CAMKMT: variants seen among roughly 807,000 people sequenced by gnomAD.
CAMKMT encodes the protein calmodulin-lysine N-methyltransferase, also known as CaM KMT.
Under a neutral mutation model 48.0 loss-of-function variants are expected in CAMKMT, and 53 were observed. The ratio of observed to expected loss-of-function variants is 1.10; its 90% CI spans 0.89 to 1.39. CAMKMT has a LOEUF of 1.39. Ranked by LOEUF, CAMKMT falls within the 40% of genes most tolerant of loss-of-function variation. The pLI, the probability that CAMKMT is intolerant of heterozygous loss-of-function variation, is 0.00. For missense variants in CAMKMT, 428 were observed against 402.7 expected (o/e 1.06, Z -0.54); for synonymous variants, 165 against 152.3 (o/e 1.08, Z -0.61).
chr2:44,362,286 C>T, intron 1 of CAMKMT, 141 bp downstream of exon 1: 1 of 696,758 alleles, frequency 1.4e-6, no homozygotes, highest in Non-Finnish European at 2.2e-6. Flanking sequence ...TGCGAAGCTC[C>T]CCCTCGCTTC....
intron 3 of CAMKMT, among the ~76,000 whole-genome samples, chr2:44,554,611 C>G (rs1256606836): frequency 6.6e-6 from 1 of 152,106 alleles, no homozygotes; most frequent in Admixed American, 6.6e-5. Context: ...TAGTACATGC[C>G]TATAGTCCCA....
chr2:44,362,505 C>T (rs1244588800), intron 1 of CAMKMT, among the ~76,000 whole-genome samples: 1 of 152,172 alleles, frequency 6.6e-6, no homozygotes, highest in Non-Finnish European at 1.5e-5. Context: ...TTGCCTCCTT[C>T]CCCAGTTTCT....
In CAMKMT at chr2:44,768,361, A is replaced by ATATT. The variant is rs35058824; in HGVS notation, c.894+1801_894+1802insATTT. ...GCCCATGATATATATATATATATAT[A>ATATT]TTTTTTTTTTTTTTTTAATAATGAG... On this transcript the variant is annotated intron_variant, in intron 10 of 10. Coordinates refer to ENST00000378494, the MANE Select transcript of CAMKMT (RefSeq NM_024766.5). Among the ~76,000 whole-genome samples the ATATT allele has an allele frequency of 3.9e-3, 450 of 115,710 alleles. 5 individuals carry two copies. Among genetic ancestry groups the ATATT allele is most frequent in the African/African-American group, 0.011 (298 of 26,974 alleles). The allele number at this position is 115,710 out of a possible 152,430, so 75.9% of individuals were successfully genotyped here. A position where few individuals can be genotyped will look rare whatever the true frequency, so the allele number is the denominator to read the frequency against.
chr2:44,764,719 T>G (rs1680765948), intron 9 of CAMKMT, among the ~76,000 whole-genome samples: 1 of 152,196 alleles, frequency 6.6e-6, no homozygotes, highest in Non-Finnish European at 1.5e-5. Context: ...ATCTGTAAAA[T>G]GCAATGTCTA....
intron 3 of CAMKMT, chr2:44,394,754 T>C (rs1012841451): frequency 2.3e-6 from 1 of 430,546 alleles, no homozygotes; most frequent in African/African-American, 2.0e-5. Flanking sequence ...TGCACACAGC[T>C]ATAGACTTTG....
At chr2:44,503,774 C>G (rs564778430) in intron 3 of CAMKMT, among the ~76,000 whole-genome samples, 1 of 152,148 alleles carries the variant, frequency 6.6e-6, no homozygotes, top group Non-Finnish European at 1.5e-5. Context: ...GACTGGTTGG[C>G]TTAAACAACA....
At chr2:44,476,217 C>T (rs2104665722) in intron 3 of CAMKMT, among the ~76,000 whole-genome samples, 1 of 151,698 alleles carries the variant, frequency 6.6e-6, no homozygotes, top group Non-Finnish European at 1.5e-5. Flanking sequence ...CTGTTTATTC[C>T]AAGTGCTTTC....
chr2:44,379,453 G>A (rs549500377), intron 2 of CAMKMT, among the ~76,000 whole-genome samples: 10 of 152,196 alleles, frequency 6.6e-5, no homozygotes, highest in African/African-American at 1.9e-4. Context: ...GGGTCATGTG[G>A]TATCTCTATG....
chr2:44,500,461 CAT>C (rs1452212233), intron 3 of CAMKMT, among the ~76,000 whole-genome samples: 1 of 151,730 alleles, frequency 6.6e-6, no homozygotes, highest in Non-Finnish European at 1.5e-5. Context: ...TTGTTGTAGT[CAT>C]CTAGTTTATA....
intron 3 of CAMKMT, among the ~76,000 whole-genome samples, chr2:44,562,522 T>C (rs1668376956): frequency 6.6e-6 from 1 of 152,198 alleles, no homozygotes; most frequent in African/African-American, 2.4e-5. Flanking sequence ...TTGGGTAACT[T>C]GCCTAAGGTC....
intron 2 of CAMKMT, among the ~76,000 whole-genome samples, chr2:44,376,924 C>T (rs978387840): frequency 6.6e-6 from 1 of 152,038 alleles, no homozygotes; most frequent in Non-Finnish European, 1.5e-5. Flanking sequence ...TTTCAAATTA[C>T]GTGTTGAGAG....
At chr2:44,647,630 G>C (rs1673806770) in intron 3 of CAMKMT, among the ~76,000 whole-genome samples, 1 of 152,220 alleles carries the variant, frequency 6.6e-6, no homozygotes, top group South Asian at 2.1e-4. Context: ...TATGGGCCGG[G>C]CACAGTGGCT....
rs767300688 is a variant in CAMKMT at position 44,542,550 on chromosome 2, CTCTCTCTT to C, written c.376+152253_376+152260del. Among the ~76,000 whole-genome samples the C allele has an allele frequency of 1.5e-3, 220 of 149,456 alleles. 1 individual carries two copies. Among genetic ancestry groups the C allele is most frequent in the South Asian group, 9.1e-3 (40 of 4,416 alleles). ...ACACACACACACACTCTCTCTCTCT[CTCTCTCTT>C]TCTCTCTCCATATATGTATATATTT... On this transcript the variant is annotated intron_variant, in intron 3 of 10. Coordinates refer to ENST00000378494, the MANE Select transcript of CAMKMT (RefSeq NM_024766.5).
intron 3 of CAMKMT, among the ~76,000 whole-genome samples, chr2:44,619,999 T>C (rs1672089096): frequency 6.6e-6 from 1 of 152,174 alleles, no homozygotes; most frequent in African/African-American, 2.4e-5. Context: ...TCCCATTCAG[T>C]ACTTCTTTTA....
intron 3 of CAMKMT, among the ~76,000 whole-genome samples, chr2:44,507,684 G>C (rs698832): frequency 0.67 from 101,194 of 152,004 alleles, 34,175 homozygotes; most frequent in Middle Eastern, 0.73. Flanking sequence ...GTTTAACATC[G>C]CTTTGTGATA....
chr2:44,754,868 A>T (rs536678527), intron 9 of CAMKMT, among the ~76,000 whole-genome samples: 6 of 152,106 alleles, frequency 3.9e-5, no homozygotes, highest in Middle Eastern at 6.8e-3. Flanking sequence ...AAAAAACCTT[A>T]TAACTATGTA....
At chr2:44,742,474 TATG>T (rs1679731422) in intron 7 of CAMKMT, among the ~76,000 whole-genome samples, 1 of 152,136 alleles carries the variant, frequency 6.6e-6, no homozygotes. Context: ...TCTGTGTCCA[TATG>T]GCCCATCAAG....
chr2:44,545,818 AT>A, intron 3 of CAMKMT, among the ~76,000 whole-genome samples: 1 of 152,174 alleles, frequency 6.6e-6, no homozygotes, highest in East Asian at 1.9e-4. Context: ...TGATTAAAAA[AT>A]TAATTCTAAT....
At chr2:44,523,373 A>G (rs1217605321) in intron 3 of CAMKMT, among the ~76,000 whole-genome samples, 2 of 150,896 alleles carry the variant, frequency 1.3e-5, no homozygotes, top group Admixed American at 1.3e-4. Flanking sequence ...GCTCACTGCA[A>G]TCTCTGCCTC....
Sources: gnomAD v4.1 joint callset for allele counts (sites outside exome capture counted in the v4.1 genomes callset) on GRCh38, gnomAD v4.1.1 for gene constraint, MANE v1.5 for transcripts, NCBI Gene and HGNC (gene_info 2026-07-23, HGNC 2026-07-21) for gene names.